The following MAGI2 variants were observed in gnomAD, a reference collection of about 807,000 sequenced individuals.
MAGI2 encodes membrane-associated guanylate kinase, WW and PDZ domain-containing protein 2.
In MAGI2, 35 loss-of-function variants were observed where a neutral mutation model predicts 133.3. That is an observed-to-expected ratio of 0.26 (90% confidence interval 0.20 to 0.35). MAGI2 has a LOEUF of 0.35. MAGI2 is among the 10% of genes least tolerant of loss of function. The probability of loss-of-function intolerance (pLI) is 1.00; values close to 1 mark genes in which losing one functional copy is unlikely to be tolerated. For synonymous variants in MAGI2, 729 were observed against 710.6 expected, an observed-to-expected ratio of 1.03 and a Z score of -0.41; for missense variants, 1,636 against 1,863.4, an observed-to-expected ratio of 0.88 and a Z score of 2.25.
intron 21 of MAGI2, among the ~76,000 whole-genome samples, chr7:78,025,885 C>T (rs188826071): frequency 4.9e-4 from 74 of 152,242 alleles, no homozygotes; most frequent in South Asian, 1.9e-3. Context: ...TGTTCTTTCC[C>T]GTGTTATGAG....
intron 2 of MAGI2, among the ~76,000 whole-genome samples, chr7:78,727,853 C>T (rs753017966): frequency 5.3e-5 from 8 of 152,126 alleles, no homozygotes; most frequent in Non-Finnish European, 7.3e-5. Context: ...CATTATTTTA[C>T]GCTCTGGGGA....
intron 2 of MAGI2, among the ~76,000 whole-genome samples, chr7:78,733,898 G>A (rs947157582): frequency 6.6e-6 from 1 of 152,112 alleles, no homozygotes; most frequent in Non-Finnish European, 1.5e-5. Flanking sequence ...TGCCCCAACT[G>A]TAATGGTCAC....
intron 2 of MAGI2, among the ~76,000 whole-genome samples, chr7:78,837,127 C>T (rs1043703214): frequency 6.6e-6 from 1 of 152,084 alleles, no homozygotes; most frequent in African/African-American, 2.4e-5. Flanking sequence ...GCCTAAACAG[C>T]AGAGTCAAGA....
intron 2 of MAGI2, among the ~76,000 whole-genome samples, chr7:78,792,117 T>C (rs1787206863): frequency 6.6e-6 from 1 of 152,080 alleles, no homozygotes; most frequent in South Asian, 2.1e-4. Flanking sequence ...GTAAGAGACA[T>C]TAGAGAAGAA....
intron 1 of MAGI2, among the ~76,000 whole-genome samples, chr7:79,122,979 G>A (rs1026826791): frequency 1.3e-5 from 2 of 152,072 alleles, no homozygotes; most frequent in African/African-American, 2.4e-5. Context: ...AAAAGAGATA[G>A]GAGAGAGAAT....
rs1017864810 is a variant in MAGI2, at chr7:78,563,235, G to A, written c.539-41590C>T. On this transcript the variant is annotated intron_variant, in intron 3 of 21. Transcript: ENST00000354212. ...ACTGAAAAGGTTTTATAATTTGAAA[G>A]AGGAAAAATTCAAAGATGATTGCTA... 2.0e-5 allele frequency among the ~76,000 whole-genome samples: 3 copies of A among 152,272 alleles called. No homozygotes were observed. In the East Asian group the frequency reaches 5.8e-4, roughly 29 times the overall value.
At chr7:79,053,670 A>G (rs1197040944) in intron 1 of MAGI2, among the ~76,000 whole-genome samples, 1 of 152,214 alleles carries the variant, frequency 6.6e-6, no homozygotes, top group Non-Finnish European at 1.5e-5. Context: ...TTCTATAAAA[A>G]TTTGATATAT....
chr7:78,351,131 T>C (rs1791465252), intron 7 of MAGI2, among the ~76,000 whole-genome samples: 3 of 152,132 alleles, frequency 2.0e-5, no homozygotes, highest in Non-Finnish European at 4.4e-5. Flanking sequence ...CTCAAATATT[T>C]ACTGAATAAA....
At chr7:78,778,624 T>G (rs1195249849) in intron 2 of MAGI2, among the ~76,000 whole-genome samples, 1 of 152,046 alleles carries the variant, frequency 6.6e-6, no homozygotes, top group Non-Finnish European at 1.5e-5. Flanking sequence ...TAAAGGAAAA[T>G]GAAGAGCATG....
intron 2 of MAGI2, among the ~76,000 whole-genome samples, chr7:78,759,540 G>GAATGTTAA (rs1454148225): frequency 1.3e-5 from 2 of 152,028 alleles, no homozygotes; most frequent in East Asian, 3.8e-4. Context: ...CTCTAGATGT[G>GAATGTTAA]AATGTTAAAA....
chr7:79,243,161 AT>A (rs1331944083), intron 1 of MAGI2, among the ~76,000 whole-genome samples: 1 of 152,192 alleles, frequency 6.6e-6, no homozygotes, highest in Non-Finnish European at 1.5e-5. Flanking sequence ...AAATAAAAAA[AT>A]GATAAAATAT....
chr7:78,044,752 G>A (rs1045844491), intron 21 of MAGI2, among the ~76,000 whole-genome samples: 14 of 151,482 alleles, frequency 9.2e-5, no homozygotes, highest in African/African-American at 3.2e-4. Flanking sequence ...GGAATGAGTG[G>A]CAAAGTTAAG....
chr7:78,475,817 C>T (rs558990643), intron 6 of MAGI2, among the ~76,000 whole-genome samples: 85 of 151,936 alleles, frequency 5.6e-4, no homozygotes, highest in African/African-American at 1.9e-3. Context: ...ATGAAGCAAT[C>T]TAGTAGAACT....
chr7:78,408,663 G>A (rs571721499), intron 6 of MAGI2, among the ~76,000 whole-genome samples: 82 of 152,148 alleles, frequency 5.4e-4, no homozygotes, highest in African/African-American at 1.9e-3. Context: ...GCACTTGAAA[G>A]GTAGCTGGTT....
At chr7:78,658,023 C>A (rs1812497343) in intron 2 of MAGI2, among the ~76,000 whole-genome samples, 1 of 152,094 alleles carries the variant, frequency 6.6e-6, no homozygotes, top group African/African-American at 2.4e-5. Flanking sequence ...AGTGCTCATT[C>A]CTTTTCTATT....
At chr7:78,481,962 T>C (rs1792432133) in intron 6 of MAGI2, among the ~76,000 whole-genome samples, 1 of 151,814 alleles carries the variant, frequency 6.6e-6, no homozygotes, top group South Asian at 2.1e-4. Flanking sequence ...GTTAAGGGGA[T>C]GGAAATACAA....
At chr7:79,240,021 T>C (rs1429991501) in intron 1 of MAGI2, among the ~76,000 whole-genome samples, 1 of 152,274 alleles carries the variant, frequency 6.6e-6, no homozygotes, top group East Asian at 1.9e-4. Flanking sequence ...CAACATCCTC[T>C]TACTGATATG....
intron 1 of MAGI2, among the ~76,000 whole-genome samples, chr7:79,212,578 A>G (rs1829591642): frequency 6.6e-6 from 1 of 152,044 alleles, no homozygotes; most frequent in Non-Finnish European, 1.5e-5. Context: ...TAGGTTGGCC[A>G]TGGAGTCTTT....
chr7:78,520,186 CA>C (rs1364789561), intron 4 of MAGI2, among the ~76,000 whole-genome samples: 1 of 152,040 alleles, frequency 6.6e-6, no homozygotes, highest in Non-Finnish European at 1.5e-5. Context: ...TCTGAGTAAT[CA>C]AGATGAAAGC....
Sources: allele counts gnomAD v4.1 joint callset (sites outside exome capture counted in the v4.1 genomes callset), GRCh38; gene constraint gnomAD v4.1.1; transcripts MANE v1.5; gene names NCBI Gene and HGNC (gene_info 2026-07-23, HGNC 2026-07-21).